PSD3: variants seen among roughly 807,000 people sequenced by gnomAD.
PSD3 encodes PH and SEC7 domain-containing protein 3.
Under a neutral mutation model 105.5 loss-of-function variants are expected in PSD3, and 49 were observed. The ratio of observed to expected loss-of-function variants is 0.46; its 90% CI spans 0.37 to 0.59. PSD3 has a LOEUF of 0.59. Ranked by LOEUF, PSD3 falls within the 20% of genes least tolerant of loss-of-function variation. The pLI is 0.00. For missense variants in PSD3, 1,561 were observed against 1,263.8 expected (o/e 1.24, Z -3.57); for synonymous variants, 557 against 457.8 (o/e 1.22, Z -2.77).
intron 2 of PSD3, among the ~76,000 whole-genome samples, chr8:18,926,189 C>G (rs28811407): frequency 0.015 from 2,308 of 151,624 alleles, 69 homozygotes; most frequent in African/African-American, 0.053. Context: ...AATATACATT[C>G]AGAGGCAGGA....
intron 1 of PSD3, among the ~76,000 whole-genome samples, chr8:19,048,414 T>C (rs578117590): frequency 3.9e-5 from 6 of 152,186 alleles, no homozygotes; most frequent in Admixed American, 6.5e-5. Context: ...GCCTTGAGCA[T>C]GGTAAATGGT....
At chr8:18,576,512 G>C (rs1802471898) in intron 12 of PSD3, among the ~76,000 whole-genome samples, 1 of 152,034 alleles carries the variant, frequency 6.6e-6, no homozygotes, top group Non-Finnish European at 1.5e-5. Context: ...CTATAATCTA[G>C]TTATGTTTTA....
At chr8:18,903,995 T>C (rs1819678305) in intron 2 of PSD3, among the ~76,000 whole-genome samples, 1 of 152,214 alleles carries the variant, frequency 6.6e-6, no homozygotes, top group Middle Eastern at 3.4e-3. Flanking sequence ...TGTTTTGCAG[T>C]GCTATAAAGG....
At chr8:18,859,407 C>T (rs1563353530) in intron 4 of PSD3, among the ~76,000 whole-genome samples, 1 of 152,092 alleles carries the variant, frequency 6.6e-6, no homozygotes. Context: ...GGAAAATGAG[C>T]ACTAACTTCA....
chr8:18,535,662 A>G lies in PSD3; in HGVS notation c.*81T>C. 7 of 1,176,734 alleles carry G rather than the reference A, an allele frequency of 5.9e-6. No individual in the cohort carries two copies. In the South Asian group the frequency reaches 9.6e-5, roughly 16 times the overall value. 72.9% of individuals were successfully genotyped at this position (1,176,734 alleles called of 1,614,324 possible). On this transcript the variant is annotated 3_prime_UTR_variant, in exon 16 of 16. Transcript: ENST00000327040. Reference sequence around the variant, plus strand: ...TTTTGTCACAGACTTTTTTTTTTTAAATATATTCACGGATTACCAGAAAGA... The same window carrying G: ...TTTTGTCACAGACTTTTTTTTTTTAGATATATTCACGGATTACCAGAAAGA...
At chr8:18,996,322 G>C (rs2129473916) in intron 1 of PSD3, among the ~76,000 whole-genome samples, 1 of 152,060 alleles carries the variant, frequency 6.6e-6, no homozygotes, top group Admixed American at 6.5e-5. Flanking sequence ...TGTGGACAGA[G>C]TGTACCTCAG....
intron 8 of PSD3, among the ~76,000 whole-genome samples, chr8:18,771,700 C>A (rs888875419): frequency 2.0e-5 from 3 of 152,208 alleles, no homozygotes; most frequent in Non-Finnish European, 4.4e-5. Context: ...AATGATCTAG[C>A]TGTTGAGCTT....
intron 9 of PSD3, among the ~76,000 whole-genome samples, chr8:18,716,141 A>C (rs1484735852): frequency 1.3e-5 from 2 of 151,998 alleles, no homozygotes; most frequent in African/African-American, 4.8e-5. Context: ...TAGCTAGCTT[A>C]AAACATGATT....
At chr8:18,636,277 T>C (rs1464503993) in intron 10 of PSD3, among the ~76,000 whole-genome samples, 1 of 151,902 alleles carries the variant, frequency 6.6e-6, no homozygotes, top group Non-Finnish European at 1.5e-5. Flanking sequence ...ACAATTTTTT[T>C]AACAAAAAAG....
chr8:18,802,562 AG>A (rs1431823141), intron 6 of PSD3, among the ~76,000 whole-genome samples: 2 of 152,222 alleles, frequency 1.3e-5, no homozygotes, highest in Non-Finnish European at 2.9e-5. Context: ...GCAAAAATAC[AG>A]ATCTTTCATC....
intron 14 of PSD3, among the ~76,000 whole-genome samples, chr8:18,571,698 C>G (rs150133294): frequency 6.6e-6 from 1 of 152,236 alleles, no homozygotes; most frequent in South Asian, 2.1e-4. Flanking sequence ...ATTGCTCCCT[C>G]TCTTGCCATG....
At chr8:18,571,766 C>T (rs757511077) in intron 14 of PSD3, among the ~76,000 whole-genome samples, 24 of 152,138 alleles carry the variant, frequency 1.6e-4, no homozygotes, top group African/African-American at 5.1e-4. Flanking sequence ...AACACTTGGT[C>T]GATCATAGTA....
At chr8:18,716,409 T>A (rs73199941) in intron 9 of PSD3, among the ~76,000 whole-genome samples, 1,886 of 152,230 alleles carry the variant, frequency 0.012, 21 homozygotes, top group Admixed American at 0.018. Flanking sequence ...ACAACATTCT[T>A]GCAGGCCCCT....
At chr8:18,697,567 G>A (rs1195835097) in intron 9 of PSD3, among the ~76,000 whole-genome samples, 1 of 152,140 alleles carries the variant, frequency 6.6e-6, no homozygotes, top group Non-Finnish European at 1.5e-5. Context: ...TTATATTCTA[G>A]AACATTATTG....
At chr8:18,556,107 A>G in intron 15 of PSD3, 102 bp downstream of exon 15, 1 of 1,377,024 alleles carries the variant, frequency 7.3e-7, no homozygotes, top group Non-Finnish European at 9.8e-7. Context: ...CAGGGGCAAG[A>G]CACGCCTCTC....
chr8:18,652,503 T>G (rs550923145), intron 10 of PSD3, among the ~76,000 whole-genome samples: 5 of 144,722 alleles, frequency 3.5e-5, no homozygotes, highest in East Asian at 4.0e-4. Context: ...GTTTTTTTTT[T>G]TTTTTTTTTT....
chr8:19,075,518 GAAGTCCAAA>G (rs1829438388), intron 1 of PSD3, among the ~76,000 whole-genome samples: 1 of 152,172 alleles, frequency 6.6e-6, no homozygotes, highest in South Asian at 2.1e-4. Context: ...GAACTCAGGA[GAAGTCCAAA>G]ACTCAAATCC....
At position 18,856,798 on chromosome 8, in the gene PSD3, A is replaced by G. The variant is rs147660193; in HGVS notation, c.1634+10876T>C. Reference sequence around the variant, plus strand: ...AATTCGATTTTACCACAGTCCATTCATACTGGGTGACTTTGAAGAGGTTTT... The same window carrying G: ...AATTCGATTTTACCACAGTCCATTCGTACTGGGTGACTTTGAAGAGGTTTT... On this transcript the variant is annotated intron_variant, in intron 4 of 15. Transcript: ENST00000327040. 1.1e-3 allele frequency among the ~76,000 whole-genome samples: 164 copies of G among 152,336 alleles called. 2 individuals carry two copies. The highest frequency in any genetic ancestry group is 3.8e-3 in the African/African-American group (157 of 41,580).
At position 18,528,248 on chromosome 8, in the gene PSD3, A is replaced by C. The variant is rs1799503774; in HGVS notation, c.*7495T>G. On this transcript the variant is annotated 3_prime_UTR_variant, in exon 16 of 16. Transcript: ENST00000327040. ...GACTGAACAAAGCTGCTAAGCTAGC[A>C]CTTGAGTATTCCTCGACCCTTCCCC... The C allele has an allele frequency of 6.6e-6, 1 of 152,226 alleles. No individual in the cohort carries two copies. The highest frequency in any genetic ancestry group is 1.5e-5 in the Non-Finnish European group (1 of 68,048). 9.4% of individuals were successfully genotyped at this position (152,226 alleles called of 1,614,324 possible).
Sources: allele counts gnomAD v4.1 joint callset (sites outside exome capture counted in the v4.1 genomes callset), GRCh38; gene constraint gnomAD v4.1.1; transcripts MANE v1.5; gene names NCBI Gene and HGNC (gene_info 2026-07-23, HGNC 2026-07-21).